Variants in MAP3K7CL observed in about 807,000 individuals in gnomAD.
MAP3K7CL encodes MAP3K7 C-terminal-like protein.
MAP3K7CL carries 16 observed loss-of-function variants against 18.6 expected under a neutral mutation model. That is an observed-to-expected ratio of 0.86 (90% CI 0.58 to 1.31). The LOEUF (loss-of-function observed/expected upper bound fraction) is 1.31, where lower values mean the gene tolerates loss of function less well. Ranked by LOEUF, MAP3K7CL falls within the 50% of genes most tolerant of loss-of-function variation. The pLI, the probability that MAP3K7CL is intolerant of heterozygous loss-of-function variation, is 0.00. For synonymous variants in MAP3K7CL, 65 were observed against 66.8 expected (o/e 0.97, Z 0.13); for missense variants, 163 against 174.4 (o/e 0.93, Z 0.37).
chr21:29,155,751 G>A (rs1245308993), intron 3 of MAP3K7CL, among the ~76,000 whole-genome samples: 2 of 152,206 alleles, frequency 1.3e-5, no homozygotes, highest in Non-Finnish European at 2.9e-5. Context: ...GGCAGCGGGA[G>A]GAGGCGGAGA....
rs188803399 is a variant in MAP3K7CL, at chr21:29,139,022, G to A, written c.70+5608G>A. Among the ~76,000 whole-genome samples the A allele has an allele frequency of 4.1e-4, 62 of 152,188 alleles. 1 individual carries two copies. Among genetic ancestry groups the A allele is most frequent in the Admixed American group, 2.8e-3 (43 of 15,280 alleles). Reference sequence around the variant, plus strand: ...TTTTATATCTGGATATGAATTAATCGTATGACACTTAGTTTTTGTGTTTTT... The same window carrying A: ...TTTTATATCTGGATATGAATTAATCATATGACACTTAGTTTTTGTGTTTTT... On this transcript the variant is annotated intron_variant, in intron 2 of 4. Coordinates refer to ENST00000399928, the MANE Select transcript of MAP3K7CL (RefSeq NM_001286620.2).
At chr21:29,091,157 C>T (rs539692644) in intron 1 of MAP3K7CL, among the ~76,000 whole-genome samples, 1 of 152,294 alleles carries the variant, frequency 6.6e-6, no homozygotes, top group Non-Finnish European at 1.5e-5. Context: ...GACAACACAT[C>T]TATATACATT....
intron 4 of MAP3K7CL, among the ~76,000 whole-genome samples, chr21:29,169,998 A>G (rs1253938059): frequency 6.6e-6 from 1 of 152,216 alleles, no homozygotes; most frequent in Non-Finnish European, 1.5e-5. Flanking sequence ...CCCCCATATT[A>G]CATTACACTG....
intron 4 of MAP3K7CL, among the ~76,000 whole-genome samples, chr21:29,169,451 G>A (rs1036428835): frequency 1.7e-4 from 26 of 152,034 alleles, no homozygotes; most frequent in South Asian, 2.1e-4. Flanking sequence ...TCTGTCCTGC[G>A]TATGAATGCT....
intron 4 of MAP3K7CL, among the ~76,000 whole-genome samples, chr21:29,115,969 G>A (rs567815096): frequency 9.9e-5 from 15 of 152,208 alleles, no homozygotes; most frequent in African/African-American, 3.4e-4. Context: ...TCAGAGTAAC[G>A]CAGTGAATTG....
intron 1 of MAP3K7CL, among the ~76,000 whole-genome samples, chr21:29,088,667 T>TAACC (rs1364195464): frequency 1.3e-5 from 2 of 152,246 alleles, no homozygotes; most frequent in Non-Finnish European, 2.9e-5. Flanking sequence ...CAGTCAGTCT[T>TAACC]AACCTACAGA....
At chr21:29,174,630 T>C (rs1368075413) in intron 4 of MAP3K7CL, 82 bp from the exon 5 acceptor site, 18 of 1,481,930 alleles carry the variant, frequency 1.2e-5, no homozygotes, top group Non-Finnish European at 1.7e-5. Flanking sequence ...ATCATTCTAC[T>C]TCCATCATGC....
At chr21:29,138,550 G>T (rs971673945) in intron 2 of MAP3K7CL, among the ~76,000 whole-genome samples, 2 of 152,186 alleles carry the variant, frequency 1.3e-5, no homozygotes, top group Admixed American at 1.3e-4. Flanking sequence ...AAACTGGCAT[G>T]CTCCTTGTAA....
chr21:29,157,597 A>G (rs190183885), intron 3 of MAP3K7CL, among the ~76,000 whole-genome samples: 9 of 152,230 alleles, frequency 5.9e-5, no homozygotes, highest in African/African-American at 2.2e-4. Context: ...TATAGATAGC[A>G]TGATCATGCT....
intron 4 of MAP3K7CL, among the ~76,000 whole-genome samples, chr21:29,114,639 C>T (rs2086475211): frequency 6.6e-6 from 1 of 152,150 alleles, no homozygotes; most frequent in South Asian, 2.1e-4. Flanking sequence ...GATCCACCTG[C>T]CTTGGCTTCC....
intron 4 of MAP3K7CL, among the ~76,000 whole-genome samples, chr21:29,160,364 G>A (rs2087516931): frequency 6.6e-6 from 1 of 152,218 alleles, no homozygotes; most frequent in South Asian, 2.1e-4. Flanking sequence ...AGAGCACTGT[G>A]GCTTGGTGTG....
intron 4 of MAP3K7CL, among the ~76,000 whole-genome samples, chr21:29,165,675 G>C (rs962855884): frequency 6.6e-6 from 1 of 152,182 alleles, no homozygotes; most frequent in Non-Finnish European, 1.5e-5. Context: ...AGGTTCAAGC[G>C]ATCCTCCTAC....
At chr21:29,133,946 C>T (rs1025082635) in intron 2 of MAP3K7CL, among the ~76,000 whole-genome samples, 1 of 152,210 alleles carries the variant, frequency 6.6e-6, no homozygotes, top group African/African-American at 2.4e-5. Context: ...TGAGGTGAAA[C>T]TGCCATACTT....
intron 4 of MAP3K7CL, among the ~76,000 whole-genome samples, chr21:29,162,741 T>C (rs1381221721): frequency 2.0e-5 from 3 of 151,442 alleles, no homozygotes; most frequent in African/African-American, 7.3e-5. Context: ...TCCTATCTAA[T>C]GTTTGAAACA....
At chr21:29,097,302 C>T (rs561532511) in intron 4 of MAP3K7CL, among the ~76,000 whole-genome samples, 1 of 151,824 alleles carries the variant, frequency 6.6e-6, no homozygotes, top group Admixed American at 6.6e-5. Context: ...TTTGAAGAAA[C>T]TGAAGTGTCT....
intron 4 of MAP3K7CL, among the ~76,000 whole-genome samples, chr21:29,112,743 T>G (rs2086440140): frequency 1.3e-5 from 2 of 152,208 alleles, no homozygotes; most frequent in Admixed American, 1.3e-4. Flanking sequence ...CTTTTAAACT[T>G]CATGCTTTCT....
intron 4 of MAP3K7CL, among the ~76,000 whole-genome samples, chr21:29,125,611 TTAAAA>T (rs1255743345): frequency 6.6e-6 from 1 of 152,228 alleles, no homozygotes; most frequent in Non-Finnish European, 1.5e-5. Context: ...TCTTTGTCAA[TTAAAA>T]TAAAAAGAAG....
At chr21:29,161,511 GGTT>G (rs1982776808) in intron 4 of MAP3K7CL, among the ~76,000 whole-genome samples, 1 of 151,758 alleles carries the variant, frequency 6.6e-6, no homozygotes. Flanking sequence ...AAATACATGA[GGTT>G]GGTTTTCCAA....
At chr21:29,097,582 T>C (rs1423109220) in intron 4 of MAP3K7CL, among the ~76,000 whole-genome samples, 1 of 152,178 alleles carries the variant, frequency 6.6e-6, no homozygotes, top group African/African-American at 2.4e-5. Flanking sequence ...ATTTGCTACA[T>C]AGTCTCCCTT....
Sources: gnomAD v4.1 joint callset for allele counts (sites outside exome capture counted in the v4.1 genomes callset) on GRCh38, gnomAD v4.1.1 for gene constraint, MANE v1.5 for transcripts, NCBI Gene and HGNC (gene_info 2026-07-23, HGNC 2026-07-21) for gene names.